Variants in GREM1 observed in about 807,000 individuals in gnomAD.
GREM1 encodes gremlin 1, DAN family BMP antagonist, also known as gremlin-1.
GREM1 carries 6 observed loss-of-function variants against 13.1 expected under a neutral mutation model. The ratio of observed to expected loss-of-function variants is 0.46; its 90% CI spans 0.25 to 0.91. The LOEUF is 0.91. GREM1 is among the 40% of genes least tolerant of loss of function. The pLI, the probability that GREM1 is intolerant of heterozygous loss-of-function variation, is 0.18. For missense variants in GREM1, 185 were observed against 233.9 expected, an observed-to-expected ratio of 0.79 and a Z score of 1.36; for synonymous variants, 98 against 93.7, an observed-to-expected ratio of 1.05 and a Z score of -0.27.
At chr15:32,719,298 C>T (rs2055363178) in intron 1 of GREM1, among the ~76,000 whole-genome samples, 1 of 152,254 alleles carries the variant, frequency 6.6e-6, no homozygotes. Flanking sequence ...GCAGCTCCTC[C>T]TTGGGGGTGC....
chr15:32,722,709 A>G (rs1326491460), intron 1 of GREM1, among the ~76,000 whole-genome samples: 2 of 152,248 alleles, frequency 1.3e-5, no homozygotes, highest in African/African-American at 4.8e-5. Flanking sequence ...GAAGGAAAGC[A>G]TGCTGTAGAG....
Position 32,740,376 on chromosome 15 carries a change from A to T in GREM1, c.*9131A>T, listed in dbSNP as rs1393098070. 3 of 152,360 alleles carry T rather than the reference A, an allele frequency of 2.0e-5. No homozygotes were observed. The South Asian group carries it at 6.2e-4, about 32-fold the overall frequency. 9.4% of individuals were successfully genotyped at this position (152,360 alleles called of 1,614,324 possible). ...AGAGAACAATGCATGAAAAAAGTTA[A>T]GAATTTTGACAAAGAGATAGAGTAT... On this transcript the variant is annotated 3_prime_UTR_variant, in exon 2 of 2. Coordinates refer to ENST00000651154, the MANE Select transcript of GREM1 (RefSeq NM_013372.7).
At chr15:32,718,272 T>G in intron 1 of GREM1, 111 bp downstream of exon 1, 3 of 835,760 alleles carry the variant, frequency 3.6e-6, no homozygotes, top group Non-Finnish European at 3.6e-6. Context: ...GCGCGCAGGC[T>G]CGGGTGCGTT....
intron 1 of GREM1, among the ~76,000 whole-genome samples, chr15:32,722,605 T>C (rs2055426377): frequency 6.6e-6 from 1 of 152,190 alleles, no homozygotes; most frequent in South Asian, 2.1e-4. Flanking sequence ...TTTGTGAAAA[T>C]TGGAATACAT....
chr15:32,738,028 G>A lies in GREM1; in HGVS notation c.*6783G>A, dbSNP rs2055718431. 8.4e-6 allele frequency: 1 copy of A among 119,054 alleles called. No individual in the cohort carries two copies. Among genetic ancestry groups the A allele is most frequent in the Non-Finnish European group, 1.6e-5 (1 of 61,976 alleles). The allele number at this position is 119,054 out of a possible 1,614,324, so 7.4% of individuals were successfully genotyped here. A position where few individuals can be genotyped will look rare whatever the true frequency, so the allele number is the denominator to read the frequency against. ...CCCAAGAGGAACTAACAGGATATCT[G>A]CTGTCACTATTTTTATTCAATATTA... On this transcript the variant is annotated 3_prime_UTR_variant, in exon 2 of 2. Transcript: ENST00000651154.
chr15:32,722,015 G>T (rs923612974), intron 1 of GREM1, among the ~76,000 whole-genome samples: 2 of 152,200 alleles, frequency 1.3e-5, no homozygotes, highest in African/African-American at 2.4e-5. Flanking sequence ...GCCTGATTTA[G>T]CCGACCTGGT....
intron 1 of GREM1, among the ~76,000 whole-genome samples, chr15:32,724,834 T>C (rs1042965816): frequency 5.6e-5 from 8 of 143,548 alleles, no homozygotes; most frequent in Admixed American, 2.2e-4. Flanking sequence ...TTCCCCTCCC[T>C]GTGTCCATGT....
chr15:32,731,127 C>G lies in GREM1; in HGVS notation c.437C>G (p.Pro146Arg). The stretch of plus-strand genomic sequence containing the variant: ...TTTCAGTCCTGCTCCTTCTGCAAGC[C>G]CAAGAAATTCACTACCATGATGGTC... ...GSFQSCSFCKPKKFTTMMVTL... is the reference protein window; with the variant it reads ...GSFQSCSFCKRKKFTTMMVTL... Residue 146 changes from proline to arginine, a missense_variant, in exon 2 of 2, where the codon CCC becomes CGC. Coordinates refer to ENST00000651154, the MANE Select transcript of GREM1 (RefSeq NM_013372.7). The G allele has an allele frequency of 6.2e-7, 1 of 1,614,126 alleles. No homozygotes were observed. The highest frequency in any genetic ancestry group is 8.5e-7 in the Non-Finnish European group (1 of 1,180,000).
At position 32,733,743 on chromosome 15, in the gene GREM1, T is replaced by C; in HGVS notation, c.*2498T>C. The C allele has an allele frequency of 4.3e-6, 1 of 232,818 alleles. No homozygotes were observed. 14.4% of individuals were successfully genotyped at this position (232,818 alleles called of 1,614,324 possible). ...ATTTTTTCATTATTATAGTAGAATA[T>C]TTTTATGGCAAGATATTTGTGGTCT... On this transcript the variant is annotated 3_prime_UTR_variant, in exon 2 of 2. Transcript: ENST00000651154.
chr15:32,735,217 T>C lies in GREM1; in HGVS notation c.*3972T>C, dbSNP rs1239886964. ...AACTTGTCAATTTCTGAGGTCCCTT[T>C]CTACTTAGATATATAATACAAGATT... On this transcript the variant is annotated 3_prime_UTR_variant, in exon 2 of 2. Coordinates refer to ENST00000651154, the MANE Select transcript of GREM1 (RefSeq NM_013372.7). The C allele has an allele frequency of 1.3e-5, 2 of 152,224 alleles. No individual in the cohort carries two copies. The highest frequency in any genetic ancestry group is 2.4e-5 in the African/African-American group (1 of 41,462). The allele number at this position is 152,224 out of a possible 1,614,324, so 9.4% of individuals were successfully genotyped here.
chr15:32,724,901 T>C (rs939653316), intron 1 of GREM1, among the ~76,000 whole-genome samples: 4 of 152,038 alleles, frequency 2.6e-5, no homozygotes, highest in Non-Finnish European at 4.4e-5. Context: ...TGGTTTTCTG[T>C]TCCTGTGTTA....
In GREM1 at chr15:32,732,883, G is replaced by C. The variant is rs569683346; in HGVS notation, c.*1638G>C. On this transcript the variant is annotated 3_prime_UTR_variant, in exon 2 of 2. Transcript: ENST00000651154. ...ACTCCCTGAATACTCTTTTTGCCTT[G>C]TATCTTCTCAGCCTCCTAGCCAAGT... 4 of 220,600 alleles carry C rather than the reference G, an allele frequency of 1.8e-5. No homozygotes were observed. Among genetic ancestry groups the C allele is most frequent in the African/African-American group, 9.1e-5 (4 of 43,948 alleles). The allele number at this position is 220,600 out of a possible 1,614,324, so 13.7% of individuals were successfully genotyped here.
Position 32,734,134 on chromosome 15 carries a change from C to T in GREM1, c.*2889C>T, listed in dbSNP as rs571747225. 1 of 242,162 alleles carries T rather than the reference C, an allele frequency of 4.1e-6. No individual in the cohort carries two copies. The highest frequency in any genetic ancestry group is 6.4e-5 in the East Asian group (1 of 15,672). The allele number at this position is 242,162 out of a possible 1,614,324, so 15.0% of individuals were successfully genotyped here. A position where few individuals can be genotyped will look rare whatever the true frequency, so the allele number is the denominator to read the frequency against. Reference sequence around the variant, plus strand: ...GAGTCTTTTATCTGGTCAGGGGAAACAAAATCTTGACCCAGCTGAACATGT... The same window carrying T: ...GAGTCTTTTATCTGGTCAGGGGAAATAAAATCTTGACCCAGCTGAACATGT... On this transcript the variant is annotated 3_prime_UTR_variant, in exon 2 of 2. Coordinates refer to ENST00000651154, the MANE Select transcript of GREM1 (RefSeq NM_013372.7).
At position 32,720,521 on chromosome 15, in the gene GREM1, G is replaced by T. The variant is rs578000253; in HGVS notation, c.-2+2360G>T. 2.0e-5 allele frequency among the ~76,000 whole-genome samples: 3 copies of T among 152,286 alleles called. No homozygotes were observed. In the South Asian group the frequency reaches 6.2e-4, roughly 32 times the overall value. On this transcript the variant is annotated intron_variant, in intron 1 of 1. Coordinates refer to ENST00000651154, the MANE Select transcript of GREM1 (RefSeq NM_013372.7). ...AACCTTTTATGTAAAGGAAAGGCAG[G>T]TGGGGGACAGTGGTTAGGGGAGGTG...
chr15:32,721,465 T>C (rs1393269181), intron 1 of GREM1, among the ~76,000 whole-genome samples: 1 of 152,182 alleles, frequency 6.6e-6, no homozygotes, highest in Non-Finnish European at 1.5e-5. Flanking sequence ...AATTAAATCC[T>C]GAATCCTGGC....
chr15:32,736,463 C>T lies in GREM1; in HGVS notation c.*5218C>T, dbSNP rs1055850892. On this transcript the variant is annotated 3_prime_UTR_variant, in exon 2 of 2. Coordinates refer to ENST00000651154, the MANE Select transcript of GREM1 (RefSeq NM_013372.7). Reference sequence around the variant, plus strand: ...GATGCTCAGGAAAAACCCAAGAAAGCCTTAAGCTCTCACTTCAAGCTGATC... The same window carrying T: ...GATGCTCAGGAAAAACCCAAGAAAGTCTTAAGCTCTCACTTCAAGCTGATC... 6.6e-6 allele frequency: 1 copy of T among 152,236 alleles called. No individual in the cohort carries two copies. Among genetic ancestry groups the T allele is most frequent in the South Asian group, 2.1e-4 (1 of 4,818 alleles). The allele number at this position is 152,236 out of a possible 1,614,324, so 9.4% of individuals were successfully genotyped here. A position where few individuals can be genotyped will look rare whatever the true frequency, so the allele number is the denominator to read the frequency against.
At position 32,730,978 on chromosome 15, in the gene GREM1, C is replaced by G; in HGVS notation, c.288C>G (p.Thr96=). The G allele has an allele frequency of 1.2e-6, 2 of 1,614,176 alleles. No individual in the cohort carries two copies. Among genetic ancestry groups the G allele is most frequent in the Non-Finnish European group, 1.7e-6 (2 of 1,180,026 alleles). Residue 96 remains threonine, a synonymous_variant, in exon 2 of 2, where the codon ACC becomes ACG. Coordinates refer to ENST00000651154, the MANE Select transcript of GREM1 (RefSeq NM_013372.7). ...RKYLKRDWCK[T]QPLKQTIHEE... ...ACCTGAAGCGAGACTGGTGCAAAAC[C>G]CAGCCGCTTAAGCAGACCATCCACG...
rs2055785936 is a variant in GREM1, at chr15:32,744,204, G to T, written c.*12959G>T. 1 of 151,266 alleles carries T rather than the reference G, an allele frequency of 6.6e-6. No individual in the cohort carries two copies. The highest frequency in any genetic ancestry group is 2.1e-4 in the South Asian group (1 of 4,778). The allele number at this position is 151,266 out of a possible 1,614,324, so 9.4% of individuals were successfully genotyped here. ...ACATGAATCAATAAATTCCATTTTT[G>T]GCTTAGCTTCTATTGGGTTTCTATC... is the stretch of plus-strand genomic sequence containing the variant. On this transcript the variant is annotated 3_prime_UTR_variant, in exon 2 of 2. Transcript: ENST00000651154.
At chr15:32,719,295 CT>C (rs2055363124) in intron 1 of GREM1, among the ~76,000 whole-genome samples, 1 of 152,244 alleles carries the variant, frequency 6.6e-6, no homozygotes. Flanking sequence ...ATCGCAGCTC[CT>C]CCTTGGGGGT....
Sources: allele counts gnomAD v4.1 joint callset (sites outside exome capture counted in the v4.1 genomes callset), GRCh38; gene constraint gnomAD v4.1.1; transcripts MANE v1.5; gene names NCBI Gene and HGNC (gene_info 2026-07-23, HGNC 2026-07-21).